Variants in UVRAG observed in about 807,000 individuals in gnomAD.
The protein encoded by UVRAG is UV radiation resistance-associated gene protein.
A neutral mutation model predicts 78.0 loss-of-function variants in UVRAG; 19 were observed. The ratio of observed to expected loss-of-function variants is 0.24; its 90% CI spans 0.17 to 0.36. UVRAG has a LOEUF of 0.36. Ranked by LOEUF, UVRAG falls within the 10% of genes least tolerant of loss-of-function variation. UVRAG has a pLI of 1.00. For synonymous variants in UVRAG, 323 were observed against 324.6 expected, an observed-to-expected ratio of 1.00 and a Z score of 0.05; for missense variants, 740 against 853.8, an observed-to-expected ratio of 0.87 and a Z score of 1.66.
intron 13 of UVRAG, among the ~76,000 whole-genome samples, chr11:76,068,441 C>T (rs1338458929): frequency 6.6e-6 from 1 of 152,162 alleles, no homozygotes; most frequent in Non-Finnish European, 1.5e-5. Context: ...AGAGAACAAT[C>T]AATAGGTTAA....
chr11:75,828,149 G>T (rs1253191696), intron 1 of UVRAG, among the ~76,000 whole-genome samples: 3 of 152,080 alleles, frequency 2.0e-5, no homozygotes, highest in African/African-American at 7.2e-5. Flanking sequence ...TACCATTATA[G>T]AATTATATAT....
intron 12 of UVRAG, among the ~76,000 whole-genome samples, chr11:76,056,001 G>T (rs1366112897): frequency 6.6e-6 from 1 of 152,164 alleles, no homozygotes; most frequent in African/African-American, 2.4e-5. Flanking sequence ...GAGCCACTGT[G>T]CCCGGCCAGA....
At chr11:75,995,441 C>T (rs551794789) in intron 8 of UVRAG, among the ~76,000 whole-genome samples, 1 of 149,088 alleles carries the variant, frequency 6.7e-6, no homozygotes, top group East Asian at 2.0e-4. Context: ...AAAGTTGTTG[C>T]CAAAATAAAT....
intron 12 of UVRAG, among the ~76,000 whole-genome samples, chr11:76,046,238 G>T (rs993084811): frequency 7.2e-5 from 11 of 152,128 alleles, no homozygotes; most frequent in African/African-American, 2.2e-4. Flanking sequence ...TGGAAGATGT[G>T]CTCTATTAAT....
intron 14 of UVRAG, among the ~76,000 whole-genome samples, chr11:76,124,294 G>T: frequency 6.6e-6 from 1 of 152,222 alleles, no homozygotes; most frequent in Non-Finnish European, 1.5e-5. Flanking sequence ...GACAAAGAAA[G>T]ATTCAAAAGT....
chr11:75,970,732 CAAAA>C (rs59187207), intron 7 of UVRAG, among the ~76,000 whole-genome samples: 1 of 66,336 alleles, frequency 1.5e-5, no homozygotes, highest in Admixed American at 1.8e-4. Flanking sequence ...GACTCCATCT[CAAAA>C]AAAAAAAAAA....
At chr11:76,099,437 C>T (rs919308167) in intron 13 of UVRAG, among the ~76,000 whole-genome samples, 7 of 151,938 alleles carry the variant, frequency 4.6e-5, no homozygotes, top group Non-Finnish European at 8.8e-5. Context: ...AAAACAGGGC[C>T]TAATCAATAG....
intron 6 of UVRAG, among the ~76,000 whole-genome samples, chr11:75,949,139 T>TG (rs1455119591): frequency 6.6e-6 from 1 of 152,154 alleles, no homozygotes; most frequent in African/African-American, 2.4e-5. Context: ...ATTAAGTCGT[T>TG]GCTGCTAAAT....
chr11:75,985,154 C>CTTTTTT (rs796594987), intron 8 of UVRAG, among the ~76,000 whole-genome samples: 3 of 128,592 alleles, frequency 2.3e-5, no homozygotes, highest in Admixed American at 7.8e-5. Flanking sequence ...AATTTCTTTT[C>CTTTTTT]TTTTTTTTTT....
intron 1 of UVRAG, among the ~76,000 whole-genome samples, chr11:75,826,345 C>T (rs182751845): frequency 1.8e-3 from 262 of 149,394 alleles, no homozygotes; most frequent in African/African-American, 6.3e-3. Flanking sequence ...TTAGTAGAGA[C>T]GGGGTTTTAC....
At chr11:75,834,640 C>T (rs912715421) in intron 1 of UVRAG, among the ~76,000 whole-genome samples, 14 of 152,016 alleles carry the variant, frequency 9.2e-5, no homozygotes, top group Admixed American at 6.6e-4. Flanking sequence ...TGGTGAAACC[C>T]TGTCTGTACT....
Position 76,140,844 on chromosome 11 carries a change from A to T in UVRAG, c.1531A>T (p.Asn511Tyr). ...KGHRKRASSE[N>Y]ERLQYKTPPP... ...ACATCGAAAACGGGCCAGCTCTGAG[A>T]ATGAGAGACTTCAGTACAAAACCCC... Residue 511 changes from asparagine to tyrosine, a missense_variant, in exon 15 of 15, where the codon AAT becomes TAT. Physicochemically the swap from Asn to Tyr is moderately radical, Grantham distance 143. Coordinates refer to ENST00000356136, the MANE Select transcript of UVRAG (RefSeq NM_003369.4). 6.2e-7 allele frequency: 1 copy of T among 1,614,164 alleles called. No individual in the cohort carries two copies. The highest frequency in any genetic ancestry group is 8.5e-7 in the Non-Finnish European group (1 of 1,180,030).
At chr11:75,920,390 ATTC>A (rs1282246645) in intron 6 of UVRAG, among the ~76,000 whole-genome samples, 4 of 152,088 alleles carry the variant, frequency 2.6e-5, no homozygotes, top group African/African-American at 7.2e-5. Flanking sequence ...AGCACATTTT[ATTC>A]TTCTTTATTC....
intron 3 of UVRAG, among the ~76,000 whole-genome samples, chr11:75,862,966 A>G (rs1226903686): frequency 2.0e-5 from 3 of 152,202 alleles, no homozygotes; most frequent in Non-Finnish European, 4.4e-5. Flanking sequence ...TCCCATTTTG[A>G]TCCTTAGAAC....
chr11:75,995,216 A>G (rs991474038), intron 8 of UVRAG, among the ~76,000 whole-genome samples: 1 of 149,152 alleles, frequency 6.7e-6, no homozygotes, highest in Admixed American at 6.7e-5. Flanking sequence ...AAGTGTGTCT[A>G]TGATTGTTGC....
rs1952728057 is a variant in UVRAG at position 76,141,772 on chromosome 11, C to T, written c.*359C>T. 9.4e-6 allele frequency: 2 copies of T among 212,424 alleles called. No individual in the cohort carries two copies. The highest frequency in any genetic ancestry group is 2.3e-5 in the African/African-American group (1 of 42,720). The allele number at this position is 212,424 out of a possible 1,614,324, so 13.2% of individuals were successfully genotyped here. ...TATATAAATAATATAATGAACACAC[C>T]CTTAGTTTCTCATAAGCATTTGCCC... On this transcript the variant is annotated 3_prime_UTR_variant, in exon 15 of 15. Transcript: ENST00000356136.
chr11:75,935,473 T>TTCTC lies in UVRAG; in HGVS notation c.593+23450_593+23453dup, dbSNP rs138539219. The stretch of plus-strand genomic sequence containing the variant: ...AGGAAAAAAGGCAATCTGTCTCTCT[T>TTCTC]TCTCTCTCTCTCTCTCTCTGCTATA... On this transcript the variant is annotated intron_variant, in intron 6 of 14. Coordinates refer to ENST00000356136, the MANE Select transcript of UVRAG (RefSeq NM_003369.4). Among the ~76,000 whole-genome samples, 624 of 149,566 alleles carry TTCTC rather than the reference T, an allele frequency of 4.2e-3. 3 individuals carry two copies. The highest frequency in any genetic ancestry group is 0.026 in the East Asian group (133 of 5,126).
chr11:75,949,714 T>TATATATATACACAC (rs59607906), intron 6 of UVRAG, among the ~76,000 whole-genome samples: 29 of 136,874 alleles, frequency 2.1e-4, no homozygotes, highest in African/African-American at 8.4e-4. Context: ...TATATATATA[T>TATATATATACACAC]ACACACACAC....
chr11:75,927,099 T>C, intron 6 of UVRAG, among the ~76,000 whole-genome samples: 1 of 150,616 alleles, frequency 6.6e-6, no homozygotes, highest in Non-Finnish European at 1.5e-5. Context: ...AGATGAAGTC[T>C]CGCTCTGTTG....
Sources: allele counts gnomAD v4.1 joint callset (sites outside exome capture counted in the v4.1 genomes callset), GRCh38; gene constraint gnomAD v4.1.1; transcripts MANE v1.5; gene names NCBI Gene and HGNC (gene_info 2026-07-23, HGNC 2026-07-21).